Variants in PLXNA4 observed in about 807,000 individuals in gnomAD.
PLXNA4 encodes plexin-A4.
Under a neutral mutation model 191.8 loss-of-function variants are expected in PLXNA4, and 44 were observed. The ratio of observed to expected loss-of-function variants is 0.23; its 90% CI spans 0.18 to 0.29. PLXNA4 has a LOEUF of 0.29. PLXNA4 is among the 10% of genes least tolerant of loss of function. The pLI is 1.00. For missense variants in PLXNA4, 1,800 were observed against 2,488.8 expected, an observed-to-expected ratio of 0.72 and a Z score of 5.89; for synonymous variants, 1,082 against 1,009.5, an observed-to-expected ratio of 1.07 and a Z score of -1.36.
rs536815703 is a variant in PLXNA4, at chr7:132,378,694, T to G, written c.1372-80472A>C. Reference sequence around the variant, plus strand: ...GTTCAAAGAAAGAGAATGAGAATGATAATGATTATTGAAAAGTCCCTCCCA... The same window carrying G: ...GTTCAAAGAAAGAGAATGAGAATGAGAATGATTATTGAAAAGTCCCTCCCA... On this transcript the variant is annotated intron_variant, in intron 3 of 31. Transcript: ENST00000321063. Among the ~76,000 whole-genome samples, 11 of 152,274 alleles carry G rather than the reference T, an allele frequency of 7.2e-5. No individual in the cohort carries two copies. In the South Asian group the frequency reaches 1.9e-3, roughly 26 times the overall value.
At chr7:132,267,004 C>T (rs1289503333) in intron 4 of PLXNA4, among the ~76,000 whole-genome samples, 1 of 152,156 alleles carries the variant, frequency 6.6e-6, no homozygotes, top group Non-Finnish European at 1.5e-5. Context: ...AGCAGCAGAC[C>T]ATATACAGAG....
intron 2 of PLXNA4, among the ~76,000 whole-genome samples, chr7:132,500,764 T>A (rs1356762782): frequency 1.3e-5 from 2 of 152,216 alleles, no homozygotes; most frequent in African/African-American, 4.8e-5. Flanking sequence ...GTTATTAACA[T>A]CTGTATATTT....
chr7:132,144,038 T>C (rs1461714269), intron 29 of PLXNA4, among the ~76,000 whole-genome samples: 3 of 152,210 alleles, frequency 2.0e-5, no homozygotes, highest in Admixed American at 6.5e-5. Flanking sequence ...CATCTGTGCA[T>C]TGCTTTGGGG....
intron 9 of PLXNA4, among the ~76,000 whole-genome samples, chr7:132,211,954 C>T (rs1797816521): frequency 6.6e-6 from 1 of 152,084 alleles, no homozygotes; most frequent in Non-Finnish European, 1.5e-5. Flanking sequence ...GGTGCTCTGC[C>T]CAGTTGAGTG....
chr7:132,359,210 T>C (rs766004241), intron 3 of PLXNA4, among the ~76,000 whole-genome samples: 26 of 55,498 alleles, frequency 4.7e-4, no homozygotes, highest in Non-Finnish European at 7.5e-4. Flanking sequence ...TCAAGGCTGC[T>C]TTTTTTTTTT....
At chr7:132,250,840 A>G (rs541410717) in intron 4 of PLXNA4, among the ~76,000 whole-genome samples, 10 of 152,272 alleles carry the variant, frequency 6.6e-5, no homozygotes, top group Non-Finnish European at 1.3e-4. Context: ...CATGGCTACC[A>G]ACACTCCTCA....
chr7:132,498,701 G>C (rs768482172), intron 2 of PLXNA4, among the ~76,000 whole-genome samples: 1 of 152,160 alleles, frequency 6.6e-6, no homozygotes, highest in Non-Finnish European at 1.5e-5. Flanking sequence ...ATCTCCCAAG[G>C]ATAAGTGGGG....
At chr7:132,621,169 C>T (rs1050245422) in intron 2 of PLXNA4, among the ~76,000 whole-genome samples, 5 of 151,618 alleles carry the variant, frequency 3.3e-5, no homozygotes, top group African/African-American at 1.2e-4. Flanking sequence ...TTCTATAATT[C>T]AAGTGAACCA....
intron 9 of PLXNA4, among the ~76,000 whole-genome samples, chr7:132,214,790 A>G (rs1797914089): frequency 6.6e-6 from 1 of 152,148 alleles, no homozygotes; most frequent in South Asian, 2.1e-4. Flanking sequence ...CTGTGAGAAC[A>G]AGTCTGTCTC....
chr7:132,137,931 T>G (rs1795161011), intron 30 of PLXNA4, among the ~76,000 whole-genome samples: 1 of 146,402 alleles, frequency 6.8e-6, no homozygotes, highest in Non-Finnish European at 1.5e-5. Context: ...GGTGGAAGGA[T>G]GGGCGCAAAG....
intron 3 of PLXNA4, among the ~76,000 whole-genome samples, chr7:132,417,041 A>C (rs773136719): frequency 2.6e-5 from 4 of 152,092 alleles, no homozygotes; most frequent in Non-Finnish European, 5.9e-5. Context: ...CCTGCAACGG[A>C]ATGTTGCTGA....
At chr7:132,569,271 C>T (rs1304670611) in intron 1 of PLXNA4, among the ~76,000 whole-genome samples, 1 of 152,248 alleles carries the variant, frequency 6.6e-6, no homozygotes, top group Non-Finnish European at 1.5e-5. Flanking sequence ...TGGTAATACA[C>T]TATTTGTTCT....
At chr7:132,268,360 C>T (rs1038445214) in intron 4 of PLXNA4, among the ~76,000 whole-genome samples, 4 of 152,240 alleles carry the variant, frequency 2.6e-5, no homozygotes, top group African/African-American at 9.6e-5. Context: ...AAATACCATG[C>T]ATGACAGTTT....
rs374093476 is a variant in PLXNA4, at chr7:132,474,855, ATCT to A, written c.1371+14434_1371+14436del. 1.8e-3 allele frequency among the ~76,000 whole-genome samples: 277 copies of A among 152,266 alleles called. 3 individuals carry two copies. The highest frequency in any genetic ancestry group is 6.1e-3 in the African/African-American group (255 of 41,544). Reference sequence around the variant, plus strand: ...ACAGAAAGTCTTATGGATCCTTGCCATCTTCTTAATTTGTTTTAATTTTTTCCT... The same window carrying A: ...ACAGAAAGTCTTATGGATCCTTGCCATCTTAATTTGTTTTAATTTTTTCCT... On this transcript the variant is annotated intron_variant, in intron 3 of 31. Transcript: ENST00000321063.
intron 4 of PLXNA4, among the ~76,000 whole-genome samples, chr7:132,285,299 G>C (rs1245661921): frequency 3.9e-5 from 6 of 152,314 alleles, no homozygotes; most frequent in Non-Finnish European, 8.8e-5. Flanking sequence ...TGTGATTCTA[G>C]CCCTGAACCA....
At chr7:132,365,488 C>A (rs2116872738) in intron 3 of PLXNA4, among the ~76,000 whole-genome samples, 1 of 152,274 alleles carries the variant, frequency 6.6e-6, no homozygotes, top group South Asian at 2.1e-4. Context: ...TCAGTTTCCT[C>A]ATCTCTAAAA....
intron 1 of PLXNA4, among the ~76,000 whole-genome samples, chr7:132,525,035 A>G (rs1799345252): frequency 2.6e-5 from 4 of 152,162 alleles, no homozygotes; most frequent in Middle Eastern, 6.8e-3. Flanking sequence ...CATCTGCCCA[A>G]ACTGAAACCC....
chr7:132,352,859 A>T (rs1803547083), intron 3 of PLXNA4, among the ~76,000 whole-genome samples: 1 of 152,156 alleles, frequency 6.6e-6, no homozygotes, highest in Non-Finnish European at 1.5e-5. Flanking sequence ...TTTCTACCAA[A>T]AGGCATCATA....
intron 3 of PLXNA4, among the ~76,000 whole-genome samples, chr7:132,472,933 AC>A (rs778655702): frequency 6.6e-6 from 1 of 152,200 alleles, no homozygotes; most frequent in Non-Finnish European, 1.5e-5. Flanking sequence ...GTCCACAGAT[AC>A]GGACACACTT....
Sources: gnomAD v4.1 joint callset for allele counts (sites outside exome capture counted in the v4.1 genomes callset) on GRCh38, gnomAD v4.1.1 for gene constraint, MANE v1.5 for transcripts, NCBI Gene and HGNC (gene_info 2026-07-23, HGNC 2026-07-21) for gene names.